Variants in NPAS2 observed in about 807,000 individuals in gnomAD.
The protein encoded by NPAS2 is neuronal PAS domain-containing protein 2.
Under a neutral mutation model 107.5 loss-of-function variants are expected in NPAS2, and 23 were observed. The observed-to-expected ratio is 0.21, with a 90% confidence interval of 0.15 to 0.30. NPAS2 has a LOEUF of 0.30. Among genes scored for constraint, NPAS2 ranks in the 10% least tolerant of loss-of-function variants. NPAS2 has a pLI of 1.00. For missense variants in NPAS2, 756 were observed against 1,043.3 expected (o/e 0.72, Z 3.79); for synonymous variants, 403 against 417.5 (o/e 0.97, Z 0.42).
intron 2 of NPAS2, among the ~76,000 whole-genome samples, chr2:100,917,477 G>A (rs965485335): frequency 1.1e-4 from 16 of 152,204 alleles, no homozygotes; most frequent in South Asian, 2.1e-4. Context: ...GCAGTGAGCC[G>A]AGATCGTGCC....
At position 100,974,962 on chromosome 2, in the gene NPAS2, G is replaced by C. The variant is rs763603355; in HGVS notation, c.1282+18G>C. On this transcript the variant is annotated intron_variant, in intron 13 of 20. Coordinates refer to ENST00000335681, the MANE Select transcript of NPAS2 (RefSeq NM_002518.4). ...ACCCACCTGTGAGTGCGAGTCCATG[G>C]ATGGGGAGTGGGATGTCCACATCAG... is the stretch of plus-strand genomic sequence containing the variant. 1.7e-5 allele frequency: 28 copies of C among 1,613,260 alleles called. 1 individual carries two copies. In the South Asian group the frequency reaches 2.7e-4, roughly 16 times the overall value.
At chr2:100,867,800 C>G (rs974581922) in intron 1 of NPAS2, among the ~76,000 whole-genome samples, 1 of 152,116 alleles carries the variant, frequency 6.6e-6, no homozygotes, top group African/African-American at 2.4e-5. Flanking sequence ...GTAGGTCTCC[C>G]AAAGTGCTGG....
intron 16 of NPAS2, chr2:100,985,035 G>A (rs183451970): frequency 2.0e-5 from 3 of 152,300 alleles, no homozygotes; most frequent in East Asian, 3.9e-4. Context: ...GAGAGCATGC[G>A]CGCCCTCTGC....
chr2:100,993,391 C>A lies in NPAS2; in HGVS notation c.2156C>A (p.Pro719His), dbSNP rs555995735. Residue 719 changes from proline to histidine, a missense_variant, in exon 20 of 21, where the codon CCC becomes CAC. By Grantham distance (77) the Pro-to-His change is moderately conservative. Coordinates refer to ENST00000335681, the MANE Select transcript of NPAS2 (RefSeq NM_002518.4). ...QTVFQNPDAH[P>H]ANSSSAPMPV... ...GTGTTTCAAAATCCAGACGCACACC[C>A]CGCCAACAGCAGCAGCGCCCCGATG... is the stretch of plus-strand genomic sequence containing the variant. 1.9e-6 allele frequency: 3 copies of A among 1,610,020 alleles called. No individual in the cohort carries two copies. The highest frequency in any genetic ancestry group is 2.2e-5 in the East Asian group (1 of 44,716).
intron 1 of NPAS2, among the ~76,000 whole-genome samples, chr2:100,851,458 C>G (rs1337497598): frequency 6.6e-6 from 1 of 152,232 alleles, no homozygotes; most frequent in Non-Finnish European, 1.5e-5. Flanking sequence ...TGCCGTCATT[C>G]TGCTTCGGGG....
chr2:100,960,485 A>C (rs1395490872), intron 7 of NPAS2, among the ~76,000 whole-genome samples: 4 of 151,780 alleles, frequency 2.6e-5, no homozygotes, highest in African/African-American at 9.7e-5. Flanking sequence ...CTAGCCCTGC[A>C]TCTCCGCAAG....
chr2:100,852,864 T>C (rs1479707971), intron 1 of NPAS2, among the ~76,000 whole-genome samples: 1 of 152,134 alleles, frequency 6.6e-6, no homozygotes, highest in African/African-American at 2.4e-5. Context: ...CGTTCAGTGC[T>C]TTCTTTAAAA....
rs912815802 is a variant in NPAS2 at position 100,821,037 on chromosome 2, A to G, written c.-23+623A>G. On this transcript the variant is annotated intron_variant, in intron 1 of 20. Coordinates refer to ENST00000335681, the MANE Select transcript of NPAS2 (RefSeq NM_002518.4). ...AGCTCCCCAGGTTGGATGTATGCGT[A>G]TGGTTTTGTTGGGAGATGTGCCCCT... 4 of 1,302,756 alleles carry G rather than the reference A, an allele frequency of 3.1e-6. No homozygotes were observed. In the South Asian group the frequency reaches 3.7e-5, roughly 12 times the overall value. 80.7% of individuals were successfully genotyped at this position (1,302,756 alleles called of 1,614,324 possible). A position where few individuals can be genotyped will look rare whatever the true frequency, so the allele number is the denominator to read the frequency against.
rs1678427428 is a variant in NPAS2, at chr2:100,996,002, T to G, written c.*420T>G. The G allele has an allele frequency of 8.2e-7, 1 of 1,220,938 alleles. No individual in the cohort carries two copies. Among genetic ancestry groups the G allele is most frequent in the African/African-American group, 1.6e-5 (1 of 64,110 alleles). 75.6% of individuals were successfully genotyped at this position (1,220,938 alleles called of 1,614,324 possible). ...TCCTTTGTATTGGAGAAGGACTGGG[T>G]CAGAGATCTGTTGGAGAGAGAGAAT... is the stretch of plus-strand genomic sequence containing the variant. On this transcript the variant is annotated 3_prime_UTR_variant, in exon 21 of 21. Coordinates refer to ENST00000335681, the MANE Select transcript of NPAS2 (RefSeq NM_002518.4).
intron 1 of NPAS2, among the ~76,000 whole-genome samples, chr2:100,856,772 G>A (rs907977847): frequency 6.6e-6 from 1 of 152,248 alleles, no homozygotes; most frequent in Middle Eastern, 3.4e-3. Context: ...TCAAAAGGAA[G>A]CACCTGTGGT....
At chr2:100,896,492 A>G (rs903450379) in intron 1 of NPAS2, among the ~76,000 whole-genome samples, 3 of 152,182 alleles carry the variant, frequency 2.0e-5, no homozygotes, top group African/African-American at 7.2e-5. Context: ...CATTCCACCC[A>G]CAGAACTGAT....
intron 5 of NPAS2, among the ~76,000 whole-genome samples, 163 bp downstream of exon 5, chr2:100,938,005 G>A (rs1305412931): frequency 6.6e-6 from 1 of 152,224 alleles, no homozygotes; most frequent in Non-Finnish European, 1.5e-5. Flanking sequence ...CCAGGCCGAG[G>A]TCAAGGTCCC....
intron 1 of NPAS2, among the ~76,000 whole-genome samples, chr2:100,838,196 T>A (rs1174194273): frequency 4.0e-5 from 6 of 151,856 alleles, no homozygotes; most frequent in Non-Finnish European, 7.4e-5. Flanking sequence ...TTTTAATAAT[T>A]CCCCTAAGTC....
At chr2:100,830,162 G>T (rs1277049129) in intron 1 of NPAS2, among the ~76,000 whole-genome samples, 3 of 152,186 alleles carry the variant, frequency 2.0e-5, no homozygotes, top group African/African-American at 7.2e-5. Flanking sequence ...TTAGTCATCA[G>T]ACTACGTGCA....
chr2:100,984,966 C>T (rs1217330364), intron 16 of NPAS2: 2 of 152,112 alleles, frequency 1.3e-5, no homozygotes, highest in Non-Finnish European at 2.9e-5. Context: ...GCTACCTGGA[C>T]AAGAGCTGTT....
intron 2 of NPAS2, among the ~76,000 whole-genome samples, chr2:100,912,035 T>C (rs1682580770): frequency 1.3e-5 from 2 of 152,188 alleles, no homozygotes; most frequent in African/African-American, 2.4e-5. Flanking sequence ...GACAGCACTG[T>C]CTTCACTGAG....
chr2:100,944,716 G>A (rs1380965193), intron 5 of NPAS2, among the ~76,000 whole-genome samples: 1 of 152,082 alleles, frequency 6.6e-6, no homozygotes, highest in East Asian at 1.9e-4. Flanking sequence ...CACAGTCTGG[G>A]GCCCTTTCTG....
chr2:100,825,211 A>T (rs1676299140), intron 1 of NPAS2, among the ~76,000 whole-genome samples: 1 of 152,242 alleles, frequency 6.6e-6, no homozygotes, highest in African/African-American at 2.4e-5. Context: ...TTCTGAGCCA[A>T]AAATGACATG....
intron 1 of NPAS2, among the ~76,000 whole-genome samples, chr2:100,860,428 C>T (rs1175928071): frequency 2.6e-5 from 4 of 152,110 alleles, no homozygotes; most frequent in Non-Finnish European, 5.9e-5. Context: ...ACTATTTTTC[C>T]TTTTAATTAT....
Sources: allele counts gnomAD v4.1 joint callset (sites outside exome capture counted in the v4.1 genomes callset), GRCh38; gene constraint gnomAD v4.1.1; transcripts MANE v1.5; gene names NCBI Gene and HGNC (gene_info 2026-07-23, HGNC 2026-07-21).